The following EYS variants were observed in gnomAD, a reference collection of about 807,000 sequenced individuals.
EYS encodes protein eyes shut homolog.
EYS carries 250 observed loss-of-function variants against 282.1 expected under a neutral mutation model. The observed-to-expected ratio is 0.89, with a 90% CI of 0.80 to 0.98. The LOEUF (loss-of-function observed/expected upper bound fraction) is 0.98, where lower values mean the gene tolerates loss of function less well. EYS is among the 50% of genes least tolerant of loss of function. EYS has a pLI of 0.00. For missense variants in EYS, 4,016 were observed against 3,709.0 expected, an observed-to-expected ratio of 1.08 and a Z score of -2.15; for synonymous variants, 1,355 against 1,282.9, an observed-to-expected ratio of 1.06 and a Z score of -1.20.
chr6:64,559,255 ATGTG>A (rs893141727), intron 26 of EYS, among the ~76,000 whole-genome samples: 1 of 132,120 alleles, frequency 7.6e-6, no homozygotes, highest in East Asian at 2.3e-4. Flanking sequence ...CCTTCTTTGT[ATGTG>A]TGTGTGTGTG....
intron 5 of EYS, among the ~76,000 whole-genome samples, chr6:65,482,309 A>T (rs993992739): frequency 4.6e-5 from 7 of 152,176 alleles, no homozygotes; most frequent in African/African-American, 1.4e-4. Flanking sequence ...TTTTATAAAT[A>T]CTAAGCTTTA....
At chr6:65,231,447 G>C (rs1766780827) in intron 12 of EYS, among the ~76,000 whole-genome samples, 1 of 151,572 alleles carries the variant, frequency 6.6e-6, no homozygotes, top group Admixed American at 6.6e-5. Flanking sequence ...TATTAAAAGA[G>C]AGGATTGGGG....
intron 5 of EYS, among the ~76,000 whole-genome samples, chr6:65,456,903 G>T (rs188991349): frequency 1.3e-5 from 2 of 152,260 alleles, no homozygotes; most frequent in Admixed American, 1.3e-4. Flanking sequence ...ATCTTATATA[G>T]AGAAATTCAA....
At chr6:65,213,408 C>G (rs941494661) in intron 12 of EYS, among the ~76,000 whole-genome samples, 7 of 152,168 alleles carry the variant, frequency 4.6e-5, no homozygotes, top group Non-Finnish European at 4.4e-5. Flanking sequence ...TTGTGCCTTG[C>G]AGATGCTGAG....
intron 35 of EYS, among the ~76,000 whole-genome samples, chr6:63,888,651 G>A (rs1302221066): frequency 6.6e-6 from 1 of 152,202 alleles, no homozygotes; most frequent in East Asian, 1.9e-4. Flanking sequence ...CAACAGCAAA[G>A]ACCAAAGGTG....
At chr6:64,977,667 GAA>G (rs35684989) in intron 14 of EYS, among the ~76,000 whole-genome samples, 76 of 121,986 alleles carry the variant, frequency 6.2e-4, no homozygotes, top group Middle Eastern at 4.2e-3. Flanking sequence ...AGCTGTGAAT[GAA>G]AAAAAAAAAA....
intron 14 of EYS, among the ~76,000 whole-genome samples, chr6:64,972,397 T>A (rs1170723990): frequency 6.6e-6 from 1 of 152,116 alleles, no homozygotes; most frequent in Non-Finnish European, 1.5e-5. Flanking sequence ...TGTATTTTCA[T>A]GAAGTTACAG....
chr6:64,662,551 T>C (rs1769076964), intron 22 of EYS, among the ~76,000 whole-genome samples: 1 of 152,176 alleles, frequency 6.6e-6, no homozygotes, highest in Admixed American at 6.5e-5. Context: ...AATATTATTC[T>C]GAAATGCCTT....
chr6:64,546,979 G>A (rs142949878), intron 26 of EYS, among the ~76,000 whole-genome samples: 2,117 of 152,220 alleles, frequency 0.014, 61 homozygotes, highest in East Asian at 0.11. Context: ...ATGAAGCCAC[G>A]GAACCTCGCG....
intron 18 of EYS, among the ~76,000 whole-genome samples, chr6:64,896,310 C>G (rs1187982885): frequency 1.3e-5 from 2 of 152,076 alleles, no homozygotes; most frequent in Admixed American, 6.5e-5. Flanking sequence ...GGGGCACTGC[C>G]TCACCTGGGA....
chr6:65,510,607 T>A (rs1344408895), intron 2 of EYS, among the ~76,000 whole-genome samples: 1 of 152,214 alleles, frequency 6.6e-6, no homozygotes, highest in Non-Finnish European at 1.5e-5. Context: ...TCTTCCAGTT[T>A]TTTTGATGTA....
chr6:65,039,843 T>C (rs1285072095), intron 13 of EYS, among the ~76,000 whole-genome samples: 1 of 151,632 alleles, frequency 6.6e-6, no homozygotes. Flanking sequence ...CATTGCTAGA[T>C]AGCAAAATGT....
chr6:65,616,468 G>A (rs2149798165), intron 2 of EYS, among the ~76,000 whole-genome samples: 2 of 148,088 alleles, frequency 1.4e-5, no homozygotes, highest in Admixed American at 1.4e-4. Flanking sequence ...ATTTAATATG[G>A]CATTATTTTC....
chr6:65,268,663 A>G (rs1044963511), intron 12 of EYS, among the ~76,000 whole-genome samples: 1 of 152,216 alleles, frequency 6.6e-6, no homozygotes, highest in South Asian at 2.1e-4. Flanking sequence ...TAGCAACTAT[A>G]TCGAAATTGG....
chr6:64,656,870 T>A (rs1302429797), intron 22 of EYS, among the ~76,000 whole-genome samples: 2 of 152,088 alleles, frequency 1.3e-5, no homozygotes. Context: ...AAGGTTGAAA[T>A]GGTAGGATGA....
chr6:65,084,173 G>T (rs1421743171), intron 12 of EYS, among the ~76,000 whole-genome samples: 1 of 151,908 alleles, frequency 6.6e-6, no homozygotes, highest in Non-Finnish European at 1.5e-5. Flanking sequence ...CACTCAAAAG[G>T]TTCTCTAAGA....
chr6:64,249,561 G>T (rs1767137834), intron 30 of EYS, among the ~76,000 whole-genome samples: 1 of 152,166 alleles, frequency 6.6e-6, no homozygotes, highest in Non-Finnish European at 1.5e-5. Context: ...ATTAAAATGA[G>T]TTTAAGGAAC....
At chr6:64,426,755 A>G (rs1414473096) in intron 28 of EYS, among the ~76,000 whole-genome samples, 1 of 152,158 alleles carries the variant, frequency 6.6e-6, no homozygotes, top group East Asian at 1.9e-4. Flanking sequence ...TCCTTCAGAT[A>G]TGTGACCATT....
At chr6:64,060,629 T>C (rs1408262723) in intron 33 of EYS, among the ~76,000 whole-genome samples, 1 of 152,166 alleles carries the variant, frequency 6.6e-6, no homozygotes, top group African/African-American at 2.4e-5. Context: ...AATGAGCTAA[T>C]TAAAATGAAT....
Sources: gnomAD v4.1 joint callset for allele counts (sites outside exome capture counted in the v4.1 genomes callset) on GRCh38, gnomAD v4.1.1 for gene constraint, MANE v1.5 for transcripts, NCBI Gene and HGNC (gene_info 2026-07-23, HGNC 2026-07-21) for gene names.